Variants in NPHS1 observed in about 807,000 individuals in gnomAD.
NPHS1 encodes the protein nephrin.
A neutral mutation model predicts 139.7 loss-of-function variants in NPHS1; 107 were observed. The ratio of observed to expected loss-of-function variants is 0.77; its 90% CI spans 0.66 to 0.90. The LOEUF (loss-of-function observed/expected upper bound fraction) is 0.90. NPHS1 is among the 40% of genes least tolerant of loss of function. The probability of loss-of-function intolerance (pLI) is 0.00; values close to 1 mark genes in which losing one functional copy is unlikely to be tolerated. For missense variants in NPHS1, 1,580 were observed against 1,654.2 expected (o/e 0.96, Z 0.78); for synonymous variants, 707 against 706.6 (o/e 1.00, Z -0.01).
Position 35,842,448 on chromosome 19 carries a change from C to T in NPHS1, c.2437G>A (p.Ala813Thr), listed in dbSNP as rs374846352. 9.3e-5 allele frequency: 150 copies of T among 1,614,024 alleles called. No homozygotes were observed. Among genetic ancestry groups the T allele is most frequent in the Non-Finnish European group, 1.2e-4 (137 of 1,180,024 alleles). The change falls in exon 18 of 29, where the codon GCT (alanine) becomes ACT (threonine). Residue 813 changes from alanine to threonine, a missense_variant. Coordinates refer to ENST00000378910, the MANE Select transcript of NPHS1 (RefSeq NM_004646.4). Reference sequence around the variant, plus strand: ...CCATTGTCCACAATGCACTGGTAAGCGCCAGCCTGGGCCAGTTTGGCATGG... The same window carrying T: ...CCATTGTCCACAATGCACTGGTAAGTGCCAGCCTGGGCCAGTTTGGCATGG... Reference protein sequence around the residue: ...IHHAKLAQAGAYQCIVDNGVA... With the variant: ...IHHAKLAQAGTYQCIVDNGVA...
chr19:35,844,458 G>A lies in NPHS1; in HGVS notation c.1932C>T (p.Tyr644=), dbSNP rs765128171. The part of the protein sequence containing the change: ...VSSFYRLNVL[Y]RPEFLGEQVL... ...CCTGCTCCCCCAGGAACTCTGGACG[G>A]TCTTCAGAGGGGGCGCCGCAGGGAG... Residue 644 remains tyrosine (Y), a splice_region_variant and synonymous_variant, in exon 15 of 29, where the codon TAC becomes TAT. Coordinates refer to ENST00000378910, the MANE Select transcript of NPHS1 (RefSeq NM_004646.4). 3 of 1,574,180 alleles carry A rather than the reference G, an allele frequency of 1.9e-6. 1 individual carries two copies. In the South Asian group the frequency reaches 3.5e-5, roughly 18 times the overall value.
chr19:35,847,372 G>A (rs190650013), intron 11 of NPHS1, among the ~76,000 whole-genome samples: 394 of 6,788 alleles, frequency 0.058, 10 homozygotes, highest in African/African-American at 0.2. Context: ...TTTTTTTTTT[G>A]AGACGGAGTT....
At position 35,851,887 on chromosome 19, in the gene NPHS1, C is replaced by T. The variant is rs747183734; in HGVS notation, c.-50G>A. 1.1e-5 allele frequency: 16 copies of T among 1,514,194 alleles called. No individual in the cohort carries two copies. In the Admixed American group the frequency reaches 1.6e-4, roughly 15 times the overall value. 93.8% of individuals were successfully genotyped at this position (1,514,194 alleles called of 1,614,324 possible). ...CACAGCGCCCGCTGCCAGCCACCTG[C>T]GTCTGTCTGGCTTTCTCTGGGTCCC... On this transcript the variant is annotated 5_prime_UTR_variant, in exon 1 of 29. Transcript: ENST00000378910.
chr19:35,848,019 A>C (rs1354893982), intron 11 of NPHS1, 22 bp downstream of exon 11: 1 of 1,612,836 alleles, frequency 6.2e-7, no homozygotes. Context: ...GGCCACCCCC[A>C]TAGCCCTGGC....
chr19:35,839,295 A>T lies in NPHS1; in HGVS notation c.3051T>A (p.Asn1017Lys). The change falls in exon 22 of 29, where the codon AAT (asparagine) becomes AAA (lysine). Residue 1017 changes from asparagine (N) to lysine (K), a missense_variant. Asn to Lys is a moderately conservative substitution (Grantham distance 94, BLOSUM62 0). Coordinates refer to ENST00000378910, the MANE Select transcript of NPHS1 (RefSeq NM_004646.4). ...CAGCCAGTCCACTGTCCCCCAAGGC[A>T]TTACTGGCCAGCAGCCAGACCCTGT... ...TRYRVWLLAS[N>K]ALGDSGLADK... 1.2e-6 allele frequency: 2 copies of T among 1,614,196 alleles called. No homozygotes were observed. The highest frequency in any genetic ancestry group is 1.7e-6 in the Non-Finnish European group (2 of 1,180,034).
Position 35,849,364 on chromosome 19 carries a change from C to T in NPHS1, c.713-1G>A. 6.2e-7 allele frequency: 1 copy of T among 1,611,086 alleles called. No homozygotes were observed. Among genetic ancestry groups the T allele is most frequent in the Non-Finnish European group, 8.5e-7 (1 of 1,179,226 alleles). On this transcript the variant is annotated splice_acceptor_variant, in intron 6 of 28. Transcript: ENST00000378910. LOFTEE classifies it high-confidence loss of function. ...TCGATGACAGGGGGTCCTGGAGGGACTGGGGGATATCAGTCACTCAGTGGG... is the reference window on the plus strand; with the variant it reads ...TCGATGACAGGGGGTCCTGGAGGGATTGGGGGATATCAGTCACTCAGTGGG...
At chr19:35,840,793 A>G (rs1973044842) in intron 20 of NPHS1, among the ~76,000 whole-genome samples, 1 of 149,534 alleles carries the variant, frequency 6.7e-6, no homozygotes. Flanking sequence ...GGTTCAAACA[A>G]TTCTTCTGCC....
intron 22 of NPHS1, 35 bp from the exon 23 acceptor site, chr19:35,835,796 T>A: frequency 6.3e-7 from 1 of 1,577,278 alleles, no homozygotes; most frequent in South Asian, 1.1e-5. Context: ...GACTTAACAC[T>A]AAGAATCTGA....
At chr19:35,839,112 G>T in intron 22 of NPHS1, 125 bp downstream of exon 22, 1 of 909,496 alleles carries the variant, frequency 1.1e-6, no homozygotes, top group Non-Finnish European at 1.8e-6. Flanking sequence ...TGTGACCTTG[G>T]ACAATTTGCT....
At chr19:35,840,749 C>T (rs868246020) in intron 20 of NPHS1, among the ~76,000 whole-genome samples, 17 of 141,156 alleles carry the variant, frequency 1.2e-4, no homozygotes, top group African/African-American at 3.5e-4. Flanking sequence ...AGTGCGGTGG[C>T]GCGAACTCAG....
In NPHS1 at chr19:35,842,443, G is replaced by A; in HGVS notation, c.2442C>T (p.Tyr814=). 1.2e-6 allele frequency: 2 copies of A among 1,614,164 alleles called. No homozygotes were observed. The highest frequency in any genetic ancestry group is 1.7e-6 in the Non-Finnish European group (2 of 1,180,024). Residue 814 remains tyrosine, a synonymous_variant, in exon 18 of 29, where the codon TAC becomes TAT. Transcript: ENST00000378910. The part of the protein sequence containing the change: ...HHAKLAQAGA[Y]QCIVDNGVAP... ...CCACCCCATTGTCCACAATGCACTG[G>A]TAAGCGCCAGCCTGGGCCAGTTTGG...
At chr19:35,831,236 CA>C in intron 26 of NPHS1, 59 bp downstream of exon 26, 1 of 1,608,230 alleles carries the variant, frequency 6.2e-7, no homozygotes, top group Non-Finnish European at 8.5e-7. Context: ...ATGCTAACGG[CA>C]GGGCTTCAGT....
chr19:35,843,848 G>A, intron 16 of NPHS1: 1 of 648,316 alleles, frequency 1.5e-6, no homozygotes, highest in Non-Finnish European at 2.6e-6. Context: ...GGCTTATACA[G>A]TGGGCTCTCA....
chr19:35,851,412 G>T (rs1464721619), intron 2 of NPHS1, 28 bp from the exon 3 acceptor site: 3 of 1,612,108 alleles, frequency 1.9e-6, no homozygotes, highest in Non-Finnish European at 2.5e-6. Context: ...AGTCAGGGCC[G>T]CAGCTTCCGC....
chr19:35,848,519 G>A, intron 9 of NPHS1, 118 bp downstream of exon 9: 1 of 1,581,304 alleles, frequency 6.3e-7, no homozygotes, highest in South Asian at 1.1e-5. Context: ...CCCTCTGTTG[G>A]ACCCATGGTC....
chr19:35,831,337 C>T lies in NPHS1; in HGVS notation c.3346G>A (p.Glu1116Lys). Residue 1116 changes from glutamate to lysine, a missense_variant, in exon 26 of 29, where the codon GAG (glutamate) becomes AAG (lysine). Physicochemically the swap from Glu to Lys is moderately conservative, Grantham distance 56 (BLOSUM62 1). Transcript: ENST00000378910. The stretch of plus-strand genomic sequence containing the variant: ...TCCCGCTCTCCTGTCCACTGGCTCT[C>T]CTCATATTCGTTCCTGACTCGGTCC... ...EEDRVRNEYE[E>K]SQWTGERDTQ... 2.5e-6 allele frequency: 4 copies of T among 1,614,078 alleles called. No individual in the cohort carries two copies. The highest frequency in any genetic ancestry group is 3.4e-6 in the Non-Finnish European group (4 of 1,180,012).
intron 28 of NPHS1, among the ~76,000 whole-genome samples, chr19:35,829,370 T>C (rs1654046733): frequency 6.6e-6 from 1 of 152,172 alleles, no homozygotes; most frequent in Non-Finnish European, 1.5e-5. Context: ...CTAGATTTTC[T>C]GGGAATATTT....
Position 35,826,368 on chromosome 19 carries a change from A to T in NPHS1, c.*146T>A. On this transcript the variant is annotated 3_prime_UTR_variant, in exon 29 of 29. Coordinates refer to ENST00000378910, the MANE Select transcript of NPHS1 (RefSeq NM_004646.4). ...TGGTACCAGCTGAACCATCTCTGTC[A>T]CTCAGCCCCCTCCATGTCCTCTCCT... 1.1e-6 allele frequency: 1 copy of T among 903,330 alleles called. No homozygotes were observed. Among genetic ancestry groups the T allele is most frequent in the Non-Finnish European group, 1.8e-6 (1 of 565,328 alleles). The allele number at this position is 903,330 out of a possible 1,614,324, so 56.0% of individuals were successfully genotyped here.
rs1972802770 is a variant in NPHS1, at chr19:35,826,541, G to A, written c.3699C>T (p.Pro1233=). 1 of 1,613,940 alleles carries A rather than the reference G, an allele frequency of 6.2e-7. No individual in the cohort carries two copies. Among genetic ancestry groups the A allele is most frequent in the East Asian group, 2.2e-5 (1 of 44,874 alleles). Residue 1233 remains proline, a synonymous_variant, in exon 29 of 29, where the codon CCC becomes CCT. Coordinates refer to ENST00000378910, the MANE Select transcript of NPHS1 (RefSeq NM_004646.4). ...ACACCAGATGTCCCCTCAGCTCGAA[G>A]GGCAGAGAATCGGGTTCCAGAGTGT... is the stretch of plus-strand genomic sequence containing the variant. ...DLDTLEPDSL[P]FELRGHLV
Sources: gnomAD v4.1 joint callset for allele counts (sites outside exome capture counted in the v4.1 genomes callset) on GRCh38, gnomAD v4.1.1 for gene constraint, MANE v1.5 for transcripts, NCBI Gene and HGNC (gene_info 2026-07-23, HGNC 2026-07-21) for gene names.